CACNA1A: variants seen among roughly 807,000 people sequenced by gnomAD.
The protein encoded by CACNA1A is calcium voltage-gated channel subunit alpha1 A.
A neutral mutation model predicts 262.4 loss-of-function variants in CACNA1A; 57 were observed. The ratio of observed to expected loss-of-function variants is 0.22; its 90% confidence interval spans 0.18 to 0.27. The LOEUF is 0.27. Ranked by LOEUF, CACNA1A falls within the 10% of genes least tolerant of loss-of-function variation. CACNA1A has a pLI of 1.00. For missense variants in CACNA1A, 2,526 were observed against 3,562.8 expected, an observed-to-expected ratio of 0.71 and a Z score of 7.41; for synonymous variants, 1,431 against 1,419.3, an observed-to-expected ratio of 1.01 and a Z score of -0.18.
At chr19:13,409,987 A>G (rs1568617452) in intron 3 of CACNA1A, among the ~76,000 whole-genome samples, 1 of 152,180 alleles carries the variant, frequency 6.6e-6, no homozygotes, top group African/African-American at 2.4e-5. Context: ...TTCCACAAGC[A>G]ACCACCACTA....
chr19:13,248,020 C>T (rs1459929786), intron 30 of CACNA1A, among the ~76,000 whole-genome samples: 1 of 151,984 alleles, frequency 6.6e-6, no homozygotes, highest in African/African-American at 2.4e-5. Context: ...GAAACTGAGC[C>T]CCATTTGTTC....
intron 11 of CACNA1A, chr19:13,316,552 T>TAAAAAAAAAAAAAAAAAAAGAA (rs74266770): frequency 8.4e-6 from 1 of 119,162 alleles, no homozygotes; most frequent in African/African-American, 3.2e-5. Context: ...TAACTGTGGT[T>TAAAAAAAAAAAAAAAAAAAGAA]AAAAAAAAAA....
At chr19:13,457,105 G>T (rs945403265) in intron 1 of CACNA1A, among the ~76,000 whole-genome samples, 1 of 152,058 alleles carries the variant, frequency 6.6e-6, no homozygotes, top group Non-Finnish European at 1.5e-5. Flanking sequence ...TGAAAAATTA[G>T]CCGGGCATAG....
rs529977616 is a variant in CACNA1A at position 13,332,934 on chromosome 19, G to A, written c.1199-9C>T. ...GGCGAGGATCACCTCTTCTGAAGAG[G>A]AAGAGCACAGAGTTAAGCTCCTGCA... On this transcript the variant is annotated splice_polypyrimidine_tract_variant and intron_variant, in intron 8 of 46. Coordinates refer to ENST00000360228, the MANE Select transcript of CACNA1A (RefSeq NM_001127222.2). 4.3e-5 allele frequency: 69 copies of A among 1,609,248 alleles called. No homozygotes were observed. The highest frequency in any genetic ancestry group is 5.5e-5 in the Non-Finnish European group (65 of 1,176,470).
At chr19:13,328,748 C>A (rs1432135177) in intron 10 of CACNA1A, among the ~76,000 whole-genome samples, 1 of 152,060 alleles carries the variant, frequency 6.6e-6, no homozygotes, top group East Asian at 1.9e-4. Flanking sequence ...AGTGTATCCA[C>A]CCTACGAGAT....
intron 3 of CACNA1A, among the ~76,000 whole-genome samples, chr19:13,397,255 C>T (rs1420771401): frequency 1.1e-4 from 16 of 152,060 alleles, no homozygotes; most frequent in Admixed American, 1.0e-3. Flanking sequence ...GGGAGGGATG[C>T]TCTACTGCTT....
At position 13,267,211 on chromosome 19, in the gene CACNA1A, C is replaced by T. The variant is rs374406615; in HGVS notation, c.3990-4378G>A. Among the ~76,000 whole-genome samples the T allele has an allele frequency of 7.9e-5, 12 of 152,228 alleles. No individual in the cohort carries two copies. In the East Asian group the frequency reaches 1.4e-3, roughly 17 times the overall value. On this transcript the variant is annotated intron_variant, in intron 24 of 46. Coordinates refer to ENST00000360228, the MANE Select transcript of CACNA1A (RefSeq NM_001127222.2). ...TGTACTGCTCCTGGTGATGTGGCAT[C>T]GGAGGGAGAGACAGATCGTAAGTGG...
chr19:13,463,484 C>T (rs146981964), intron 1 of CACNA1A, among the ~76,000 whole-genome samples: 70 of 152,294 alleles, frequency 4.6e-4, no homozygotes, highest in African/African-American at 1.6e-3. Context: ...GCAACCCTAG[C>T]GCTGCCCGGG....
chr19:13,358,883 G>C (rs141836155), intron 6 of CACNA1A, among the ~76,000 whole-genome samples: 15 of 152,212 alleles, frequency 9.9e-5, no homozygotes, highest in Admixed American at 1.3e-4. Context: ...GTCAAGGTGT[G>C]GGGAGAGCCA....
At chr19:13,374,709 C>A (rs2059376653) in intron 3 of CACNA1A, among the ~76,000 whole-genome samples, 2 of 152,238 alleles carry the variant, frequency 1.3e-5, no homozygotes, top group Non-Finnish European at 1.5e-5. Flanking sequence ...GCATGAACAG[C>A]AAAGAACAGG....
chr19:13,382,040 G>C (rs886896370), intron 3 of CACNA1A, among the ~76,000 whole-genome samples: 81 of 152,294 alleles, frequency 5.3e-4, no homozygotes, highest in Non-Finnish European at 3.4e-4. Context: ...TGACGCAGTT[G>C]AACGCTGATA....
intron 3 of CACNA1A, among the ~76,000 whole-genome samples, chr19:13,441,933 G>A (rs1025698247): frequency 2.0e-5 from 3 of 152,174 alleles, no homozygotes; most frequent in African/African-American, 7.2e-5. Flanking sequence ...CAGCCCCACA[G>A]GGAAAATGGC....
At chr19:13,254,568 G>A (rs2056493815) in intron 29 of CACNA1A, among the ~76,000 whole-genome samples, 2 of 151,998 alleles carry the variant, frequency 1.3e-5, no homozygotes, top group Non-Finnish European at 2.9e-5. Flanking sequence ...CTCCGTGTTG[G>A]TCAGGCTGGT....
At chr19:13,411,749 T>C (rs1042859210) in intron 3 of CACNA1A, among the ~76,000 whole-genome samples, 4 of 152,014 alleles carry the variant, frequency 2.6e-5, no homozygotes, top group African/African-American at 9.7e-5. Context: ...TCTCACTTTG[T>C]CTCCCAGGCT....
intron 3 of CACNA1A, among the ~76,000 whole-genome samples, chr19:13,396,149 G>A (rs756157691): frequency 9.9e-5 from 15 of 152,138 alleles, no homozygotes; most frequent in Admixed American, 4.6e-4. Flanking sequence ...AACCTTCAGA[G>A]GGTCAAGCCC....
chr19:13,335,321 C>T lies in CACNA1A; in HGVS notation c.1082+485G>A, dbSNP rs79842137. Among the ~76,000 whole-genome samples, 1,513 of 152,190 alleles carry T rather than the reference C, an allele frequency of 9.9e-3. 21 individuals are homozygous for T. The highest frequency in any genetic ancestry group is 0.035 in the African/African-American group (1,439 of 41,534). On this transcript the variant is annotated intron_variant, in intron 7 of 46. Coordinates refer to ENST00000360228, the MANE Select transcript of CACNA1A (RefSeq NM_001127222.2). The stretch of plus-strand genomic sequence containing the variant: ...CCATCTTAAGACCATGAGGTATCCA[C>T]GAGATTGGAAGCCTCTGGTAAAGAT...
At chr19:13,310,846 AG>A (rs2058021077) in intron 12 of CACNA1A, among the ~76,000 whole-genome samples, 1 of 150,468 alleles carries the variant, frequency 6.6e-6, no homozygotes, top group South Asian at 2.1e-4. Context: ...GCTGGAGTGC[AG>A]TGGTGCAATC....
At chr19:13,419,808 G>T (rs181270880) in intron 3 of CACNA1A, among the ~76,000 whole-genome samples, 3 of 152,064 alleles carry the variant, frequency 2.0e-5, no homozygotes, top group Non-Finnish European at 2.9e-5. Flanking sequence ...AATCCTGGCC[G>T]GGCATGGTGG....
chr19:13,454,776 G>A (rs1315894771), intron 2 of CACNA1A, among the ~76,000 whole-genome samples: 1 of 152,064 alleles, frequency 6.6e-6, no homozygotes, highest in Non-Finnish European at 1.5e-5. Flanking sequence ...AACCTAGTGA[G>A]ATCCCCATCT....
Sources: allele counts gnomAD v4.1 joint callset (sites outside exome capture counted in the v4.1 genomes callset), GRCh38; gene constraint gnomAD v4.1.1; transcripts MANE v1.5; gene names NCBI Gene and HGNC (gene_info 2026-07-23, HGNC 2026-07-21).